Variants in GOLGB1 observed in about 807,000 individuals in gnomAD.
GOLGB1 encodes the protein golgin subfamily B member 1.
GOLGB1 carries 174 observed loss-of-function variants against 336.9 expected under a neutral mutation model. That is an observed-to-expected ratio of 0.52 (90% CI 0.46 to 0.59). The LOEUF is 0.59. GOLGB1 is among the 20% of genes least tolerant of loss of function. The probability of loss-of-function intolerance (pLI) is 0.00; values close to 1 mark genes in which losing one functional copy is unlikely to be tolerated. For missense variants in GOLGB1, 3,331 were observed against 3,645.3 expected, an observed-to-expected ratio of 0.91 and a Z score of 2.22; for synonymous variants, 1,208 against 1,289.2, an observed-to-expected ratio of 0.94 and a Z score of 1.35.
intron 17 of GOLGB1, among the ~76,000 whole-genome samples, chr3:121,674,937 G>A (rs1211403112): frequency 1.3e-5 from 2 of 148,558 alleles, no homozygotes; most frequent in South Asian, 2.1e-4. Flanking sequence ...CCGGGTTCAC[G>A]CTATTCTCCT....
At position 121,678,305 on chromosome 3, in the gene GOLGB1, A is replaced by G. The variant is rs1348046273; in HGVS notation, c.8874-855T>C. Among the ~76,000 whole-genome samples the G allele has an allele frequency of 2.0e-5, 3 of 152,210 alleles. No homozygotes were observed. The East Asian group carries it at 5.8e-4, about 29-fold the overall frequency. On this transcript the variant is annotated intron_variant, in intron 15 of 21. Coordinates refer to ENST00000614479, the MANE Select transcript of GOLGB1 (RefSeq NM_001366282.2). ...TAAATTCCAAAAAGCATTTTGCTAT[A>G]TCAATGTTGCTTAAGGTTTGAAATC...
At chr3:121,677,252 C>T (rs201451141) in intron 16 of GOLGB1, 33 bp downstream of exon 16, 7 of 1,496,956 alleles carry the variant, frequency 4.7e-6, no homozygotes, top group Non-Finnish European at 6.4e-6. Flanking sequence ...AAAAATTTAT[C>T]TCTGAGTAAC....
chr3:121,707,364 G>A (rs1164024509), intron 10 of GOLGB1, among the ~76,000 whole-genome samples: 2 of 151,890 alleles, frequency 1.3e-5, no homozygotes, highest in Admixed American at 6.6e-5. Context: ...GCTCACACCT[G>A]TAATCCCAGC....
rs1942696053 is a variant in GOLGB1, at chr3:121,693,898, C to T, written c.6625G>A (p.Val2209Met). 3 of 1,613,932 alleles carry T rather than the reference C, an allele frequency of 1.9e-6. No homozygotes were observed. The highest frequency in any genetic ancestry group is 1.6e-4 in the Middle Eastern group (1 of 6,084). Residue 2209 changes from valine to methionine, a missense_variant, in exon 13 of 22, where the codon GTG (valine) becomes ATG (methionine). By Grantham distance (21) the Val-to-Met change is conservative. Coordinates refer to ENST00000614479, the MANE Select transcript of GOLGB1 (RefSeq NM_001366282.2). The part of the protein sequence containing the change: ...MSSLQDDRDR[V>M]IDEAKKWERK... The stretch of plus-strand genomic sequence containing the variant: ...TCCCATTTCTTAGCTTCATCTATCA[C>T]CCTGTCACGATCATCCTGGAGGGAA...
intron 1 of GOLGB1, among the ~76,000 whole-genome samples, chr3:121,738,020 G>A (rs1946600845): frequency 6.6e-6 from 1 of 152,116 alleles, no homozygotes; most frequent in East Asian, 1.9e-4. Context: ...GAGAACCACA[G>A]CTATAGTCAG....
In GOLGB1 at chr3:121,697,822, T is replaced by G. The variant is rs575844307; in HGVS notation, c.2701A>C (p.Ile901Leu). 1.9e-6 allele frequency: 3 copies of G among 1,614,110 alleles called. No homozygotes were observed. In the East Asian group the frequency reaches 6.7e-5, roughly 36 times the overall value. The change falls in exon 13 of 22, where the codon ATC becomes CTC. Residue 901 changes from isoleucine to leucine, a missense_variant. Physicochemically the swap from Ile to Leu is conservative, Grantham distance 5 (BLOSUM62 2). Transcript: ENST00000614479. The part of the protein sequence containing the change: ...KRDVETLQQT[I>L]EEKDQQVTEI... Reference sequence around the variant, plus strand: ...GTCACTTGTTGATCCTTCTCCTCGATGGTTTGTTGGAGGGTTTCCACATCT... The same window carrying G: ...GTCACTTGTTGATCCTTCTCCTCGAGGGTTTGTTGGAGGGTTTCCACATCT...
At chr3:121,675,521 C>G (rs144092810) in intron 17 of GOLGB1, among the ~76,000 whole-genome samples, 29 of 152,074 alleles carry the variant, frequency 1.9e-4, no homozygotes, top group African/African-American at 7.0e-4. Flanking sequence ...CTATATGCAA[C>G]GACATGGATG....
rs752738874 is a variant in GOLGB1, at chr3:121,694,292, C to T, written c.6231G>A (p.Lys2077=). Residue 2077 remains lysine (K), a synonymous_variant, in exon 13 of 22, where the codon AAG becomes AAA. Transcript: ENST00000614479. ...NLAQAVEHRK[K]AQAELASFKV... ...TGAAGCTAGCTAATTCTGCTTGTGC[C>T]TTTTTGCGGTGTTCAACTGCTTGAG... The T allele has an allele frequency of 6.2e-7, 1 of 1,610,336 alleles. No individual in the cohort carries two copies. Among genetic ancestry groups the T allele is most frequent in the African/African-American group, 1.3e-5 (1 of 74,844 alleles).
intron 14 of GOLGB1, among the ~76,000 whole-genome samples, chr3:121,688,725 C>G (rs1310897156): frequency 6.6e-6 from 1 of 151,910 alleles, no homozygotes; most frequent in Non-Finnish European, 1.5e-5. Flanking sequence ...GGCCGCCATC[C>G]CATCTAGGAA....
chr3:121,701,243 A>C (rs1367142928), intron 11 of GOLGB1, among the ~76,000 whole-genome samples: 1 of 152,136 alleles, frequency 6.6e-6, no homozygotes, highest in African/African-American at 2.4e-5. Flanking sequence ...CCCATATAAT[A>C]CCTCCAAACC....
intron 17 of GOLGB1, among the ~76,000 whole-genome samples, chr3:121,674,675 TCTC>T (rs1164826052): frequency 6.6e-6 from 1 of 152,208 alleles, no homozygotes; most frequent in East Asian, 1.9e-4. Flanking sequence ...AAGAAGCAAT[TCTC>T]CTATTTAGCT....
intron 1 of GOLGB1, among the ~76,000 whole-genome samples, chr3:121,735,814 A>C (rs902185935): frequency 3.3e-5 from 5 of 152,244 alleles, no homozygotes; most frequent in African/African-American, 9.6e-5. Context: ...TCCTAGAAAC[A>C]GTAACACCTC....
chr3:121,668,002 T>G, intron 19 of GOLGB1, 59 bp downstream of exon 19: 1 of 830,200 alleles, frequency 1.2e-6, no homozygotes, highest in Non-Finnish European at 2.0e-6. Context: ...AAATCTAGAT[T>G]ACTGCCCAAT....
intron 17 of GOLGB1, among the ~76,000 whole-genome samples, chr3:121,671,030 G>A (rs1576262982): frequency 6.6e-6 from 1 of 152,230 alleles, no homozygotes; most frequent in African/African-American, 2.4e-5. Context: ...CATAAATAAG[G>A]TTTTACTGGA....
At chr3:121,683,117 G>T (rs1184625383) in intron 14 of GOLGB1, among the ~76,000 whole-genome samples, 1 of 128,292 alleles carries the variant, frequency 7.8e-6, no homozygotes, top group Non-Finnish European at 1.6e-5. Flanking sequence ...GCCCAGGCTG[G>T]TCTCAAACTC....
intron 14 of GOLGB1, among the ~76,000 whole-genome samples, chr3:121,689,217 A>C (rs1293214956): frequency 2.0e-5 from 3 of 152,338 alleles, no homozygotes; most frequent in East Asian, 1.9e-4. Flanking sequence ...AAGGGGGGAA[A>C]GGTGGGGAAA....
Position 121,696,014 on chromosome 3 carries a change from T to C in GOLGB1, c.4509A>G (p.Glu1503=), listed in dbSNP as rs750687113. 1 of 1,614,150 alleles carries C rather than the reference T, an allele frequency of 6.2e-7. No individual in the cohort carries two copies. Among genetic ancestry groups the C allele is most frequent in the Non-Finnish European group, 8.5e-7 (1 of 1,180,012 alleles). ...ACAATTCCTCTTGGAGACTTTTGTT[T>C]TCTTTTAGTGCTTCTTTTCGGGAAA... ...ALISRKEALK[E]NKSLQEELSL... is the part of the protein sequence containing the mutation. Residue 1503 remains glutamate (E), a synonymous_variant, in exon 13 of 22, where the codon GAA becomes GAG. Coordinates refer to ENST00000614479, the MANE Select transcript of GOLGB1 (RefSeq NM_001366282.2).
chr3:121,716,714 T>C (rs995710619), intron 9 of GOLGB1, 23 bp downstream of exon 9: 2 of 1,576,426 alleles, frequency 1.3e-6, no homozygotes, highest in Non-Finnish European at 1.7e-6. Context: ...AGATGTGGAC[T>C]TCAAAAGCAA....
intron 1 of GOLGB1, chr3:121,749,262 G>A (rs1947589564): frequency 6.6e-6 from 1 of 152,412 alleles, no homozygotes; most frequent in Non-Finnish European, 1.5e-5. Flanking sequence ...CAGCGGCTGC[G>A]TACGGAGGCC....
Sources: allele counts gnomAD v4.1 joint callset (sites outside exome capture counted in the v4.1 genomes callset), GRCh38; gene constraint gnomAD v4.1.1; transcripts MANE v1.5; gene names NCBI Gene and HGNC (gene_info 2026-07-23, HGNC 2026-07-21).